Variants in VTI1A observed in about 807,000 individuals in gnomAD.
The protein encoded by VTI1A is vesicle transport through interaction with t-SNAREs 1A, also known as vesicle transport through interaction with t-SNAREs homolog 1A.
In VTI1A, 22 loss-of-function variants were observed where a neutral mutation model predicts 34.9. The ratio of observed to expected loss-of-function variants is 0.63; its 90% confidence interval spans 0.45 to 0.90. The LOEUF is 0.90. Ranked by LOEUF, VTI1A falls within the 40% of genes least tolerant of loss-of-function variation. VTI1A has a pLI of 0.00. For synonymous variants in VTI1A, 87 were observed against 97.3 expected (o/e 0.89, Z 0.62); for missense variants, 268 against 275.6 (o/e 0.97, Z 0.20).
At chr10:112,737,502 G>A (rs144196292) in intron 7 of VTI1A, 2 of 1,050,898 alleles carry the variant, frequency 1.9e-6, no homozygotes, top group East Asian at 1.1e-4. Context: ...TGTTCCCTGG[G>A]ATGCCTTAGA....
rs894977596 is a variant in VTI1A, at chr10:112,624,887, G to T, written c.428-43331G>T. Among the ~76,000 whole-genome samples, 4 of 152,170 alleles carry T rather than the reference G, an allele frequency of 2.6e-5. No homozygotes were observed. In the East Asian group the frequency reaches 5.8e-4, roughly 22 times the overall value. On this transcript the variant is annotated intron_variant, in intron 5 of 7. Transcript: ENST00000393077. ...CAAGACAGGAGAATCACTTGAGGCT[G>T]GGAGTTCGAGACCAGCCTGAGCAAC...
At chr10:112,478,168 T>C (rs1335042499) in intron 3 of VTI1A, among the ~76,000 whole-genome samples, 1 of 152,212 alleles carries the variant, frequency 6.6e-6, no homozygotes, top group African/African-American at 2.4e-5. Flanking sequence ...AATCCTATAC[T>C]TTTCTAATAT....
chr10:112,772,871 G>A lies in VTI1A; in HGVS notation c.561-42419G>A, dbSNP rs75997773. 8.0e-3 allele frequency among the ~76,000 whole-genome samples: 1,211 copies of A among 152,244 alleles called. 13 individuals carry two copies. The highest frequency in any genetic ancestry group is 0.028 in the African/African-American group (1,174 of 41,552). ...CACCTTGGAAACCCATTGGTCAGTC[G>A]GAACAAAACTGACCGACTGGCATAG... On this transcript the variant is annotated intron_variant, in intron 7 of 7. Transcript: ENST00000393077.
intron 5 of VTI1A, among the ~76,000 whole-genome samples, chr10:112,643,962 A>G (rs534805416): frequency 2.0e-5 from 3 of 151,442 alleles, no homozygotes; most frequent in African/African-American, 7.3e-5. Context: ...TTTATGAAAT[A>G]TGGCAGCATA....
chr10:112,801,219 A>G (rs1464865182), intron 7 of VTI1A, among the ~76,000 whole-genome samples: 1 of 152,160 alleles, frequency 6.6e-6, no homozygotes, highest in African/African-American at 2.4e-5. Flanking sequence ...GGGAGGGGTC[A>G]TCCTGGCCCA....
At chr10:112,656,566 G>C (rs1458140295) in intron 5 of VTI1A, among the ~76,000 whole-genome samples, 3 of 112,246 alleles carry the variant, frequency 2.7e-5, no homozygotes, top group Non-Finnish European at 5.2e-5. Context: ...TCCCTGCATT[G>C]CATTGCCCAG....
chr10:112,551,785 G>A (rs1851369201), intron 5 of VTI1A, among the ~76,000 whole-genome samples: 1 of 152,144 alleles, frequency 6.6e-6, no homozygotes, highest in South Asian at 2.1e-4. Context: ...CATAAGGAGA[G>A]GAGGAAGGAG....
intron 7 of VTI1A, among the ~76,000 whole-genome samples, chr10:112,810,401 C>CA (rs55966805): frequency 0.016 from 1,459 of 89,146 alleles, 20 homozygotes; most frequent in African/African-American, 0.037. Context: ...GACTCCATCT[C>CA]AAAAAAAAAA....
chr10:112,561,423 CAAG>C (rs1851722221), intron 5 of VTI1A, among the ~76,000 whole-genome samples: 1 of 152,126 alleles, frequency 6.6e-6, no homozygotes, highest in African/African-American at 2.4e-5. Context: ...AATTTTGTAA[CAAG>C]AAGTAGGCAG....
the VTI1A span, chr10:112,825,126 TTTGTAAGTGAAG>T: frequency 1.3e-5 from 2 of 152,196 alleles, no homozygotes; most frequent in African/African-American, 4.8e-5. Flanking sequence ...GTCACTGTGT[TTTGTAAGTGAAG>T]TCCAATGGGA....
chr10:112,850,509 C>T, the VTI1A span, among the ~76,000 whole-genome samples: 2 of 152,088 alleles, frequency 1.3e-5, no homozygotes, highest in African/African-American at 2.4e-5. Context: ...CTCCCAAGAC[C>T]ACAATTTGAA....
intron 5 of VTI1A, among the ~76,000 whole-genome samples, chr10:112,575,498 A>G (rs780372910): frequency 7.9e-5 from 12 of 152,174 alleles, no homozygotes; most frequent in Non-Finnish European, 1.6e-4. Flanking sequence ...TCCTTCAGTA[A>G]GCGTTTGTTC....
intron 5 of VTI1A, among the ~76,000 whole-genome samples, chr10:112,661,359 A>C (rs1030308656): frequency 2.0e-5 from 3 of 151,794 alleles, no homozygotes; most frequent in Non-Finnish European, 4.4e-5. Flanking sequence ...CAAGTGATTC[A>C]CCCACCTCAA....
chr10:112,545,978 A>G (rs112813089), intron 5 of VTI1A, among the ~76,000 whole-genome samples: 18 of 139,602 alleles, frequency 1.3e-4, no homozygotes, highest in Admixed American at 9.5e-4. Context: ...GTATACACGT[A>G]TGTGTGTGTA....
At chr10:112,631,368 C>T (rs1846124270) in intron 5 of VTI1A, among the ~76,000 whole-genome samples, 2 of 152,144 alleles carry the variant, frequency 1.3e-5, no homozygotes, top group South Asian at 4.1e-4. Context: ...AGTTCTAAAA[C>T]ATTTTTGTCA....
At chr10:112,724,074 A>G (rs1198798427) in intron 7 of VTI1A, among the ~76,000 whole-genome samples, 1 of 152,168 alleles carries the variant, frequency 6.6e-6, no homozygotes, top group East Asian at 1.9e-4. Context: ...GACACTGCAT[A>G]TCTTTGTATC....
chr10:112,554,957 A>C (rs1334497727), intron 5 of VTI1A, among the ~76,000 whole-genome samples: 1 of 152,156 alleles, frequency 6.6e-6, no homozygotes. Flanking sequence ...GTCTATCCCC[A>C]CATGCCCATC....
At chr10:112,458,405 T>C (rs531231399) in intron 1 of VTI1A, among the ~76,000 whole-genome samples, 1 of 152,274 alleles carries the variant, frequency 6.6e-6, no homozygotes, top group Admixed American at 6.5e-5. Context: ...ACATTTGGGA[T>C]CATCTATTAA....
At position 112,447,409 on chromosome 10, in the gene VTI1A, C is replaced by G. The variant is rs1846894904; in HGVS notation, c.36C>G (p.Phe12Leu). Reference protein sequence around the residue: ...SSDFEGYEQDFAVLTAEITSK... With the variant: ...SSDFEGYEQDLAVLTAEITSK... ...ACTTCGAAGGTTACGAGCAGGACTTCGCGGTGCTCACTGCAGAGATCACCA... is the reference window on the plus strand; with the variant it reads ...ACTTCGAAGGTTACGAGCAGGACTTGGCGGTGCTCACTGCAGAGATCACCA... Residue 12 changes from phenylalanine to leucine, a missense_variant, in exon 1 of 8, where the codon TTC (phenylalanine) becomes TTG (leucine). Phe to Leu is a conservative substitution (Grantham distance 22). Transcript: ENST00000393077. 6.2e-7 allele frequency: 1 copy of G among 1,613,716 alleles called. No homozygotes were observed. The highest frequency in any genetic ancestry group is 8.5e-7 in the Non-Finnish European group (1 of 1,179,980).
Sources: allele counts gnomAD v4.1 joint callset (sites outside exome capture counted in the v4.1 genomes callset), GRCh38; gene constraint gnomAD v4.1.1; transcripts MANE v1.5; gene names NCBI Gene and HGNC (gene_info 2026-07-23, HGNC 2026-07-21).